The following GLRA2 variants were observed in gnomAD, a reference collection of about 807,000 sequenced individuals.
GLRA2 encodes glycine receptor subunit alpha-2.
GLRA2 carries 11 observed loss-of-function variants against 31.6 expected under a neutral mutation model. The ratio of observed to expected loss-of-function variants is 0.35; its 90% confidence interval spans 0.22 to 0.58. The LOEUF (loss-of-function observed/expected upper bound fraction) is 0.58, where lower values mean the gene tolerates loss of function less well. Ranked by LOEUF, GLRA2 falls within the 20% of genes least tolerant of loss-of-function variation. The pLI, the probability that GLRA2 is intolerant of heterozygous loss-of-function variation, is 0.84. For missense variants in GLRA2, 212 were observed against 351.8 expected (o/e 0.60, Z 3.18); for synonymous variants, 132 against 134.0 (o/e 0.99, Z 0.10).
Position 14,581,415 on chromosome X carries a change from C to T in GLRA2, c.494+9C>T, listed in dbSNP as rs2090014556. The T allele has an allele frequency of 2.9e-6, 3 of 1,017,474 alleles. No homozygotes were observed. The highest frequency in any genetic ancestry group is 4.2e-6 in the Non-Finnish European group (3 of 718,357). 83.9% of individuals were successfully genotyped at this position (1,017,474 alleles called of 1,213,427 possible). A position where few individuals can be genotyped will look rare whatever the true frequency, so the allele number is the denominator to read the frequency against. On this transcript the variant is annotated intron_variant, in intron 4 of 8. Coordinates refer to ENST00000218075, the MANE Select transcript of GLRA2 (RefSeq NM_002063.4). ...GTGCTCTACAGTATCAGGTAAGCCT[C>T]CATTGGCTGCACATGTTCGCATCTC...
At chrX:14,628,582 T>C (rs2090612636) in intron 7 of GLRA2, among the ~76,000 whole-genome samples, 1 of 111,843 alleles carries the variant, frequency 8.9e-6, no homozygotes, top group South Asian at 3.7e-4. Context: ...AGGAAACTGG[T>C]GCTTTTCCAG....
At chrX:14,483,221 T>G in the GLRA2 span, among the ~76,000 whole-genome samples, 1 of 111,842 alleles carries the variant, frequency 8.9e-6, no homozygotes. Context: ...GAAAGCTCTC[T>G]CTTGTCACGC....
intron 7 of GLRA2, among the ~76,000 whole-genome samples, chrX:14,628,564 A>G (rs762328712): frequency 8.9e-6 from 1 of 112,062 alleles, no homozygotes; most frequent in South Asian, 3.7e-4. Context: ...TCATGAGAAC[A>G]TGTAAGAAGG....
At chrX:14,483,702 G>T in the GLRA2 span, among the ~76,000 whole-genome samples, 1 of 111,958 alleles carries the variant, frequency 8.9e-6, no homozygotes, top group Non-Finnish European at 1.9e-5. Flanking sequence ...AAAAAGTGTG[G>T]ATGATAAGTG....
At position 14,625,864 on chromosome X, in the gene GLRA2, C is replaced by T. The variant is rs145605843; in HGVS notation, c.930+16659C>T. Among the ~76,000 whole-genome samples the T allele has an allele frequency of 1.4e-4, 16 of 111,499 alleles. No individual in the cohort carries two copies. The East Asian group carries it at 3.1e-3, about 22-fold the overall frequency. ...TCATTTAAAGTTCACATCAACCCAA[C>T]GAAGTAGGTACTATTATTATCCCTA... On this transcript the variant is annotated intron_variant, in intron 7 of 8. Transcript: ENST00000218075.
chrX:14,611,179 C>T (rs770488212), intron 7 of GLRA2, among the ~76,000 whole-genome samples: 9 of 112,678 alleles, frequency 8.0e-5, no homozygotes, highest in Non-Finnish European at 1.5e-4. Flanking sequence ...GTTACTTATA[C>T]ATGCACATGC....
intron 7 of GLRA2, among the ~76,000 whole-genome samples, chrX:14,673,042 C>T (rs868159554): frequency 9.0e-6 from 1 of 111,235 alleles, no homozygotes; most frequent in African/African-American, 3.3e-5. Flanking sequence ...GAGTCTGGGT[C>T]GGAAAGCTTC....
intron 4 of GLRA2, among the ~76,000 whole-genome samples, chrX:14,600,788 T>G (rs1037016279): frequency 2.7e-5 from 3 of 111,568 alleles, no homozygotes; most frequent in Admixed American, 1.9e-4. Flanking sequence ...AAAGAAAAAT[T>G]TATTCCTTCT....
chrX:14,544,840 T>C (rs934396527), intron 2 of GLRA2, among the ~76,000 whole-genome samples: 3 of 111,758 alleles, frequency 2.7e-5, no homozygotes, highest in African/African-American at 6.5e-5. Flanking sequence ...TCCTCCTCCA[T>C]GCTTTCTCTG....
chrX:14,621,627 CCTTATGATA>C (rs1311108517), intron 7 of GLRA2, among the ~76,000 whole-genome samples: 2 of 110,500 alleles, frequency 1.8e-5, no homozygotes, highest in Admixed American at 9.7e-5. Flanking sequence ...GGTTTTCTTT[CCTTATGATA>C]CTTTGCTCAG....
chrX:14,575,350 G>A (rs1346849399), intron 3 of GLRA2, among the ~76,000 whole-genome samples: 1 of 109,729 alleles, frequency 9.1e-6, no homozygotes, highest in Non-Finnish European at 1.9e-5. Context: ...ACAGGTGCAC[G>A]CCACCATGCC....
chrX:14,663,059 T>C (rs771680386), intron 7 of GLRA2, among the ~76,000 whole-genome samples: 3 of 111,417 alleles, frequency 2.7e-5, no homozygotes, highest in East Asian at 2.8e-4. Context: ...TGTCATATCA[T>C]TCACAAGTAG....
rs2090552888 is a variant in GLRA2, at chrX:14,623,822, T to A, written c.930+14617T>A. Among the ~76,000 whole-genome samples, 5 of 111,684 alleles carry A rather than the reference T, an allele frequency of 4.5e-5. No homozygotes were observed. The South Asian group carries it at 1.9e-3, about 42-fold the overall frequency. ...GGTCTAAAATTTTCTTTTTTTGTTG[T>A]GTCTCTGCCAGGCTTTGGTATCAGG... On this transcript the variant is annotated intron_variant, in intron 7 of 8. Coordinates refer to ENST00000218075, the MANE Select transcript of GLRA2 (RefSeq NM_002063.4).
chrX:14,554,813 T>C (rs2089619179), intron 2 of GLRA2, among the ~76,000 whole-genome samples: 2 of 111,275 alleles, frequency 1.8e-5, no homozygotes, highest in Admixed American at 1.9e-4. Flanking sequence ...TCTTCCACAG[T>C]GGGGGAAGGA....
At chrX:14,514,060 T>TAC in the GLRA2 span, among the ~76,000 whole-genome samples, 1 of 112,106 alleles carries the variant, frequency 8.9e-6, no homozygotes, top group Non-Finnish European at 1.9e-5. Context: ...GGTATATATA[T>TAC]ACACCATGGA....
chrX:14,578,505 T>C (rs1224373943), intron 3 of GLRA2, among the ~76,000 whole-genome samples: 1 of 112,589 alleles, frequency 8.9e-6, no homozygotes, highest in Non-Finnish European at 1.9e-5. Context: ...TTAGTGTTCA[T>C]TGCTAGTTGC....
intron 3 of GLRA2, among the ~76,000 whole-genome samples, chrX:14,579,312 T>A (rs1056151120): frequency 9.2e-6 from 1 of 109,265 alleles, no homozygotes; most frequent in Non-Finnish European, 1.9e-5. Context: ...TAAGGAAGAA[T>A]CAAGAATCTA....
chrX:14,686,754 C>G (rs1302109622), intron 7 of GLRA2, among the ~76,000 whole-genome samples: 4 of 111,608 alleles, frequency 3.6e-5, no homozygotes, highest in Non-Finnish European at 7.5e-5. Context: ...ACTGATGGGT[C>G]TTGACTCTTA....
chrX:14,491,620 G>A, the GLRA2 span, among the ~76,000 whole-genome samples: 7 of 111,748 alleles, frequency 6.3e-5, no homozygotes, highest in African/African-American at 2.0e-4. Flanking sequence ...ATATGATTTC[G>A]AAAATGTTGT....
Sources: gnomAD v4.1 joint callset for allele counts (sites outside exome capture counted in the v4.1 genomes callset) on GRCh38, gnomAD v4.1.1 for gene constraint, MANE v1.5 for transcripts, NCBI Gene and HGNC (gene_info 2026-07-23, HGNC 2026-07-21) for gene names.